The following MAX variants were observed in gnomAD, a reference collection of about 807,000 sequenced individuals.
MAX encodes the protein MYC associated transcriptional regulator X, also known as protein max.
MAX carries 3 observed loss-of-function variants against 22.3 expected under a neutral mutation model. The ratio of observed to expected loss-of-function variants is 0.13; its 90% confidence interval spans 0.06 to 0.35. The LOEUF is 0.35. Among genes scored for constraint, MAX ranks in the 10% least tolerant of loss-of-function variants. The pLI, the probability that MAX is intolerant of heterozygous loss-of-function variation, is 1.00. For synonymous variants in MAX, 72 were observed against 77.7 expected, an observed-to-expected ratio of 0.93 and a Z score of 0.39; for missense variants, 119 against 209.4, an observed-to-expected ratio of 0.57 and a Z score of 2.66.
chr14:65,058,387 T>G (rs2062790210), intron 3 of MAX, among the ~76,000 whole-genome samples: 1 of 152,146 alleles, frequency 6.6e-6, no homozygotes, highest in African/African-American at 2.4e-5. Flanking sequence ...TATTTATAAA[T>G]CTTGTGTCCA....
rs1325895215 is a variant in MAX, at chr14:65,009,094, TTTTC to T, written c.172-2814_172-2811del. ...AGGTAAAAATAGGAAGAGCTCTACCTTTTCTTTCTTAACTTCCTACACAGAAAAG... is the reference window on the plus strand; with the variant it reads ...AGGTAAAAATAGGAAGAGCTCTACCTTTTCTTAACTTCCTACACAGAAAAG... On this transcript the variant is annotated intron_variant, in intron 3 of 3. Coordinates refer to the MAX transcript ENST00000341653. The surrounding 1 kb of genome is among the most constrained non-coding windows in gnomAD (Gnocchi z 4.2). Among the ~76,000 whole-genome samples the T allele has an allele frequency of 1.3e-5, 2 of 152,172 alleles. No individual in the cohort carries two copies. The highest frequency in any genetic ancestry group is 2.9e-5 in the Non-Finnish European group (2 of 68,026).
rs1204443756 is a variant in MAX at position 65,027,265 on chromosome 14, AATG to A, written c.172-20984_172-20982del. Reference sequence around the variant, plus strand: ...CGAAACTCAGAGGAGGGCAGACAGAAATGATGATAGCTGGAGAGAGAATTAAGC... The same window carrying A: ...CGAAACTCAGAGGAGGGCAGACAGAAATGATAGCTGGAGAGAGAATTAAGC... On this transcript the variant is annotated intron_variant, in intron 3 of 3. Transcript: ENST00000341653. This position sits in a 1 kb window ranked among gnomAD's most constrained non-coding sequence, Gnocchi z 5.7. The A allele has an allele frequency of 2.0e-5, 18 of 886,986 alleles. No homozygotes were observed. In the East Asian group the frequency reaches 4.8e-4, roughly 23 times the overall value. 54.9% of individuals were successfully genotyped at this position (886,986 alleles called of 1,614,324 possible). A position where few individuals can be genotyped will look rare whatever the true frequency, so the allele number is the denominator to read the frequency against.
Position 65,032,553 on chromosome 14 carries a change from T to C in MAX, c.172-26269A>G. 6.3e-7 allele frequency: 1 copy of C among 1,597,586 alleles called. No homozygotes were observed. ...CGAGCAGTCCGCCCGCGGAGTTCAC[T>C]GAGCCTCATTAGCTCTTCCGTAGAG... On this transcript the variant is annotated intron_variant, in intron 3 of 3. Transcript: ENST00000341653. The surrounding 1 kb of genome is among the most constrained non-coding windows in gnomAD (Gnocchi z 5.0).
intron 3 of MAX, among the ~76,000 whole-genome samples, chr14:65,064,088 G>A (rs74056643): frequency 6.6e-6 from 1 of 152,210 alleles, no homozygotes; most frequent in African/African-American, 2.4e-5. Context: ...TGGATAATCA[G>A]GGGAAACACC....
chr14:65,052,199 T>G (rs867102308), intron 3 of MAX, among the ~76,000 whole-genome samples: 4 of 152,208 alleles, frequency 2.6e-5, no homozygotes, highest in African/African-American at 4.8e-5. Flanking sequence ...TATATGGCTA[T>G]TCACAGTGAT....
At chr14:65,061,370 T>C (rs2062862929) in intron 3 of MAX, 2 of 1,607,210 alleles carry the variant, frequency 1.2e-6, no homozygotes, top group African/African-American at 1.3e-5. Flanking sequence ...ACAAGGTTTA[T>C]ACGTTTCAAT....
Position 65,044,995 on chromosome 14 carries a change from T to G in MAX, c.172-38711A>C, listed in dbSNP as rs1163216654. Among the ~76,000 whole-genome samples, 1 of 152,202 alleles carries G rather than the reference T, an allele frequency of 6.6e-6. No homozygotes were observed. Among genetic ancestry groups the G allele is most frequent in the Non-Finnish European group, 1.5e-5 (1 of 68,036 alleles). ...CTATTAGAAATGTTTTATTTTACAT[T>G]CATTGAATAAGCCTAAATGGGAGTT... is the stretch of plus-strand genomic sequence containing the variant. On this transcript the variant is annotated intron_variant, in intron 3 of 3. Transcript: ENST00000341653. The surrounding 1 kb of genome is among the most constrained non-coding windows in gnomAD (Gnocchi z 5.5).
intron 3 of MAX, among the ~76,000 whole-genome samples, chr14:65,020,654 G>A (rs559649929): frequency 3.3e-5 from 5 of 151,416 alleles, no homozygotes; most frequent in South Asian, 2.1e-4. Context: ...AGTTGGTCTC[G>A]AACTCCTGAC....
Position 65,084,004 on chromosome 14 carries a change from G to T in MAX, c.172-5968C>A. ...TGCCAGCAAAGGAGGCTGGAAGGTTGTAAGGCCAGAGTCAGCACAGACCCA... is the reference window on the plus strand; with the variant it reads ...TGCCAGCAAAGGAGGCTGGAAGGTTTTAAGGCCAGAGTCAGCACAGACCCA... On this transcript the variant is annotated intron_variant, in intron 3 of 4. Coordinates refer to ENST00000358664, the MANE Select transcript of MAX (RefSeq NM_002382.5). The surrounding 1 kb of genome is among the most constrained non-coding windows in gnomAD (Gnocchi z 4.3). The T allele has an allele frequency of 6.0e-6, 9 of 1,505,008 alleles. No homozygotes were observed. Among genetic ancestry groups the T allele is most frequent in the African/African-American group, 1.4e-5 (1 of 71,448 alleles). 93.2% of individuals were successfully genotyped at this position (1,505,008 alleles called of 1,614,324 possible).
chr14:65,060,213 AAAAC>A (rs201973113), intron 3 of MAX, among the ~76,000 whole-genome samples: 1,571 of 152,276 alleles, frequency 0.01, 11 homozygotes, highest in South Asian at 0.017. Flanking sequence ...AAGAAAATGA[AAAAC>A]AATCATATCA....
Position 65,027,832 on chromosome 14 carries a change from CT to C in MAX, c.172-21549del, listed in dbSNP as rs1455836290. ...CACATCAGTTGACTCTAGAGCTCAT[CT>C]GCCATTAGAGATGCCAAGCCTAAGG... On this transcript the variant is annotated intron_variant, in intron 3 of 3. Coordinates refer to the MAX transcript ENST00000341653. This position sits in a 1 kb window ranked among gnomAD's most constrained non-coding sequence, Gnocchi z 5.7. 1.2e-6 allele frequency: 2 copies of C among 1,610,488 alleles called. No individual in the cohort carries two copies. Among genetic ancestry groups the C allele is most frequent in the African/African-American group, 2.7e-5 (2 of 74,834 alleles).
At chr14:65,083,087 C>T (rs981041519) in intron 3 of MAX, among the ~76,000 whole-genome samples, 1 of 152,154 alleles carries the variant, frequency 6.6e-6, no homozygotes, top group African/African-American at 2.4e-5. Context: ...AGAGGGTCTG[C>T]CAGGTTCCTG....
intron 3 of MAX, among the ~76,000 whole-genome samples, chr14:65,043,973 TTTA>T (rs1335584020): frequency 6.6e-6 from 1 of 152,122 alleles, no homozygotes; most frequent in Non-Finnish European, 1.5e-5. Context: ...TTAAGCCATG[TTTA>T]TTAAGAGACT....
At position 65,060,697 on chromosome 14, in the gene MAX, C is replaced by CAAAAAA. The variant is rs59036615; in HGVS notation, c.171+33005_171+33010dup. 1.9e-4 allele frequency among the ~76,000 whole-genome samples: 9 copies of CAAAAAA among 48,608 alleles called. 1 individual carries two copies. The highest frequency in any genetic ancestry group is 1.0e-3 in the African/African-American group (4 of 3,952). The allele number at this position is 48,608 out of a possible 152,430, so 31.9% of individuals were successfully genotyped here. A position where few individuals can be genotyped will look rare whatever the true frequency, so the allele number is the denominator to read the frequency against. On this transcript the variant is annotated intron_variant, in intron 3 of 3. Transcript: ENST00000341653. ...GGCGACAGAGCGAGAGACTCCGTCT[C>CAAAAAA]AAAAAAAAAAAAAAAAAATACAAAA...
rs374067276 is a variant in MAX at position 65,077,421 on chromosome 14, G to A, written c.295+492C>T. 12 of 1,609,710 alleles carry A rather than the reference G, an allele frequency of 7.5e-6. No individual in the cohort carries two copies. Among genetic ancestry groups the A allele is most frequent in the South Asian group, 2.2e-5 (2 of 90,996 alleles). On this transcript the variant is annotated intron_variant, in intron 4 of 4. Transcript: ENST00000358664. The surrounding 1 kb of genome is among the most constrained non-coding windows in gnomAD (Gnocchi z 6.3). ...GGAACAAAGAACTTGATCAGCTCTC[G>A]CTTTCCCCTGTGGTTGTAGGAAAAG...
intron 3 of MAX, among the ~76,000 whole-genome samples, chr14:65,067,052 G>GA (rs2062938722): frequency 2.6e-5 from 4 of 151,234 alleles, no homozygotes; most frequent in Middle Eastern, 3.2e-3. Flanking sequence ...CGGATGCGGT[G>GA]GCACACACCT....
Position 65,075,887 on chromosome 14 carries a change from T to C in MAX, c.*589A>G. ...CTCTGTGCTGCGAATCTGTCCCCAC[T>C]TCCTTTTTATACCACAAACTTCTCT... On this transcript the variant is annotated 3_prime_UTR_variant, in exon 5 of 5. Coordinates refer to ENST00000358664, the MANE Select transcript of MAX (RefSeq NM_002382.5). The surrounding 1 kb of genome is among the most constrained non-coding windows in gnomAD (Gnocchi z 4.1). 2 of 1,068,516 alleles carry C rather than the reference T, an allele frequency of 1.9e-6. No individual in the cohort carries two copies. The highest frequency in any genetic ancestry group is 2.3e-6 in the Non-Finnish European group (2 of 881,244). 66.2% of individuals were successfully genotyped at this position (1,068,516 alleles called of 1,614,324 possible). A position where few individuals can be genotyped will look rare whatever the true frequency, so the allele number is the denominator to read the frequency against.
intron 2 of MAX, among the ~76,000 whole-genome samples, chr14:65,099,638 C>G (rs980610935): frequency 2.0e-5 from 3 of 151,820 alleles, no homozygotes; most frequent in African/African-American, 7.3e-5. Flanking sequence ...GAAGGCTAAA[C>G]GATCCTTACC....
chr14:65,032,533 A>C lies in MAX; in HGVS notation c.172-26249T>G. ...TTACAGCTTACTAGGCAAGGCGAGC[A>C]GTCCGCCCGCGGAGTTCACTGAGCC... On this transcript the variant is annotated intron_variant, in intron 3 of 3. Coordinates refer to the MAX transcript ENST00000341653. This position sits in a 1 kb window ranked among gnomAD's most constrained non-coding sequence, Gnocchi z 5.0. The C allele has an allele frequency of 4.6e-6, 7 of 1,527,240 alleles. No homozygotes were observed. The highest frequency in any genetic ancestry group is 6.2e-6 in the Non-Finnish European group (7 of 1,127,294). The allele number at this position is 1,527,240 out of a possible 1,614,324, so 94.6% of individuals were successfully genotyped here.
Sources: allele counts gnomAD v4.1 joint callset (sites outside exome capture counted in the v4.1 genomes callset), GRCh38; gene constraint gnomAD v4.1.1; non-coding constraint Gnocchi (gnomAD v3.1); transcripts MANE v1.5; gene names NCBI Gene and HGNC (gene_info 2026-07-23, HGNC 2026-07-21).